DTWD2: variants seen among roughly 807,000 people sequenced by gnomAD.
DTWD2 encodes the protein DTW motif tRNA-uridine aminocarboxypropyltransferase 2, also known as tRNA-uridine aminocarboxypropyltransferase 2.
In DTWD2, 39 loss-of-function variants were observed where a neutral mutation model predicts 31.8. The ratio of observed to expected loss-of-function variants is 1.22; its 90% CI spans 0.95 to 1.60. The LOEUF is 1.60. Among genes scored for constraint, DTWD2 ranks in the 40% most tolerant of loss-of-function variants. The pLI is 0.00. For missense variants in DTWD2, 515 were observed against 381.5 expected (o/e 1.35, Z -2.92); for synonymous variants, 180 against 142.8 (o/e 1.26, Z -1.86).
At chr5:118,871,106 A>C (rs1561434716) in intron 4 of DTWD2, among the ~76,000 whole-genome samples, 1 of 152,130 alleles carries the variant, frequency 6.6e-6, no homozygotes, top group Non-Finnish European at 1.5e-5. Flanking sequence ...ATCTCAAGAA[A>C]CTATGTTCTT....
rs555791213 is a variant in DTWD2 at position 118,918,936 on chromosome 5, C to T, written c.597+9601G>A. 6.2e-4 allele frequency among the ~76,000 whole-genome samples: 94 copies of T among 152,232 alleles called. No individual in the cohort carries two copies. The South Asian group carries it at 0.018, about 30-fold the overall frequency. On this transcript the variant is annotated intron_variant, in intron 4 of 5. Transcript: ENST00000510708. ...CAAGACACATTTGCCACCACTCATA[C>T]ATCAAAAACGGAGATTTTAAATAGG...
At chr5:118,964,839 T>C (rs1754793266) in intron 1 of DTWD2, among the ~76,000 whole-genome samples, 1 of 152,222 alleles carries the variant, frequency 6.6e-6, no homozygotes, top group Non-Finnish European at 1.5e-5. Flanking sequence ...GTGCCGAGAT[T>C]GCAGCCTCTG....
chr5:118,874,874 T>C (rs1387212941), intron 4 of DTWD2, among the ~76,000 whole-genome samples: 1 of 151,904 alleles, frequency 6.6e-6, no homozygotes. Flanking sequence ...CCCAGTAAGA[T>C]ACTCCATAAG....
chr5:118,939,432 G>A, intron 2 of DTWD2, 142 bp from the exon 3 acceptor site: 2 of 670,694 alleles, frequency 3.0e-6, no homozygotes, highest in South Asian at 3.2e-5. Context: ...AATAAAAAGA[G>A]GTAAAATTTC....
chr5:118,903,408 C>T (rs941155331), intron 4 of DTWD2, among the ~76,000 whole-genome samples: 4 of 152,018 alleles, frequency 2.6e-5, no homozygotes, highest in South Asian at 4.1e-4. Flanking sequence ...ACCTTCTTCA[C>T]ATAGTTCCAC....
chr5:118,973,183 A>C (rs746770684), intron 1 of DTWD2, among the ~76,000 whole-genome samples: 5 of 151,036 alleles, frequency 3.3e-5, no homozygotes, highest in Non-Finnish European at 5.9e-5. Flanking sequence ...AATACAACAC[A>C]CCAATGGGTC....
At chr5:118,945,585 T>G (rs1296174814) in intron 1 of DTWD2, among the ~76,000 whole-genome samples, 1 of 151,896 alleles carries the variant, frequency 6.6e-6, no homozygotes, top group Non-Finnish European at 1.5e-5. Context: ...GCCAATGTGG[T>G]GAAACCCCAA....
chr5:118,907,025 A>G (rs1286448519), intron 4 of DTWD2, among the ~76,000 whole-genome samples: 2 of 152,230 alleles, frequency 1.3e-5, no homozygotes, highest in Non-Finnish European at 2.9e-5. Context: ...GAACATGATG[A>G]CAAACTATGC....
intron 4 of DTWD2, among the ~76,000 whole-genome samples, chr5:118,904,923 C>G (rs961548048): frequency 1.3e-5 from 2 of 152,016 alleles, no homozygotes; most frequent in African/African-American, 4.8e-5. Context: ...AGGCAGGAAG[C>G]AGAGAACAGA....
At chr5:118,871,513 C>A (rs796177806) in intron 4 of DTWD2, among the ~76,000 whole-genome samples, 2 of 152,302 alleles carry the variant, frequency 1.3e-5, no homozygotes, top group African/African-American at 4.8e-5. Context: ...TCCACGGCTG[C>A]AGAAAGGACG....
chr5:118,931,085 T>C (rs1199140855), intron 3 of DTWD2, among the ~76,000 whole-genome samples: 1 of 151,848 alleles, frequency 6.6e-6, no homozygotes, highest in Non-Finnish European at 1.5e-5. Context: ...TGAAGATATA[T>C]GATAATACTA....
At chr5:118,976,243 G>A (rs1210363154) in intron 1 of DTWD2, among the ~76,000 whole-genome samples, 2 of 152,158 alleles carry the variant, frequency 1.3e-5, no homozygotes, top group Non-Finnish European at 2.9e-5. Context: ...AAGTGGGAAA[G>A]ATCTAAAATC....
chr5:118,897,154 G>A (rs936960628), intron 4 of DTWD2, among the ~76,000 whole-genome samples: 1 of 152,186 alleles, frequency 6.6e-6, no homozygotes, highest in African/African-American at 2.4e-5. Context: ...ATTTATTACA[G>A]TGAAAGAATA....
At position 118,928,577 on chromosome 5, in the gene DTWD2, T is replaced by A. The variant is rs752107210; in HGVS notation, c.557A>T (p.Asp186Val). 1.9e-6 allele frequency: 3 copies of A among 1,546,246 alleles called. No individual in the cohort carries two copies. The highest frequency in any genetic ancestry group is 2.6e-6 in the Non-Finnish European group (3 of 1,147,972). Reference sequence around the variant, plus strand: ...GAACAAGGAGTTCTTATAGAAAATGTCCTTAGCCTGGCTCCATGTACCATC... The same window carrying A: ...GAACAAGGAGTTCTTATAGAAAATGACCTTAGCCTGGCTCCATGTACCATC... Reference protein sequence around the residue: ...IIDGTWSQAKDIFYKNSLFRH... With the variant: ...IIDGTWSQAKVIFYKNSLFRH... Residue 186 changes from aspartate (D) to valine (V), a missense_variant, in exon 4 of 6, where the codon GAC (aspartate) becomes GTC (valine). Asp to Val is a radical substitution (Grantham distance 152). Transcript: ENST00000510708.
intron 4 of DTWD2, among the ~76,000 whole-genome samples, chr5:118,883,906 G>A (rs150041116): frequency 6.6e-6 from 1 of 152,300 alleles, no homozygotes; most frequent in Non-Finnish European, 1.5e-5. Flanking sequence ...ACTTGAAAAT[G>A]GTGGGGCTAT....
chr5:118,988,206 C>A, intron 1 of DTWD2, 88 bp downstream of exon 1: 2 of 1,494,774 alleles, frequency 1.3e-6, no homozygotes, highest in Admixed American at 2.0e-5. Context: ...CAGAGCTGCC[C>A]GAGCCGCCGA....
chr5:118,941,271 C>T (rs1754192785), intron 2 of DTWD2, among the ~76,000 whole-genome samples: 1 of 152,256 alleles, frequency 6.6e-6, no homozygotes, highest in African/African-American at 2.4e-5. Context: ...TGGTGTGCTG[C>T]ACCCATTAAC....
intron 5 of DTWD2, among the ~76,000 whole-genome samples, chr5:118,841,747 GCTCTACCTGA>G (rs1751719722): frequency 6.6e-6 from 1 of 151,748 alleles, no homozygotes; most frequent in Admixed American, 6.6e-5. Context: ...TGGAGTATAC[GCTCTACCTGA>G]AGTTATTCAA....
intron 4 of DTWD2, among the ~76,000 whole-genome samples, chr5:118,915,674 T>C (rs1022505167): frequency 7.2e-5 from 11 of 152,192 alleles, no homozygotes; most frequent in African/African-American, 2.7e-4. Context: ...ACGCCCGGCC[T>C]AATCTTTGAA....
Sources: allele counts gnomAD v4.1 joint callset (sites outside exome capture counted in the v4.1 genomes callset), GRCh38; gene constraint gnomAD v4.1.1; transcripts MANE v1.5; gene names NCBI Gene and HGNC (gene_info 2026-07-23, HGNC 2026-07-21).